Variants in WWOX observed in about 807,000 individuals in gnomAD.
WWOX encodes WW domain-containing oxidoreductase.
Under a neutral mutation model 46.2 loss-of-function variants are expected in WWOX, and 69 were observed. That is an observed-to-expected ratio of 1.49 (90% CI 1.23 to 1.82). WWOX has a LOEUF of 1.82. Among genes scored for constraint, WWOX ranks in the 40% most tolerant of loss-of-function variants. The pLI is 0.00. For synonymous variants in WWOX, 359 were observed against 202.6 expected, an observed-to-expected ratio of 1.77 and a Z score of -6.56; for missense variants, 919 against 542.6, an observed-to-expected ratio of 1.69 and a Z score of -6.89.
At chr16:78,925,179 C>T (rs940684651) in intron 8 of WWOX, among the ~76,000 whole-genome samples, 6 of 152,102 alleles carry the variant, frequency 3.9e-5, no homozygotes, top group East Asian at 3.9e-4. Flanking sequence ...TGCATGAGAA[C>T]GTAAAACCCT....
chr16:78,925,752 A>G (rs1300771391), intron 8 of WWOX, among the ~76,000 whole-genome samples: 2 of 152,176 alleles, frequency 1.3e-5, no homozygotes, highest in African/African-American at 2.4e-5. Flanking sequence ...TCTAAGGGTG[A>G]AGATGCTGTT....
chr16:78,489,015 A>T (rs1230801422), intron 8 of WWOX, among the ~76,000 whole-genome samples: 4 of 152,120 alleles, frequency 2.6e-5, no homozygotes, highest in Non-Finnish European at 4.4e-5. Flanking sequence ...GAGTGTCTAA[A>T]TCCTGCTCTG....
At chr16:78,607,260 T>C (rs542956887) in intron 8 of WWOX, among the ~76,000 whole-genome samples, 1 of 152,166 alleles carries the variant, frequency 6.6e-6, no homozygotes, top group African/African-American at 2.4e-5. Context: ...ATACAATATT[T>C]AATAAACTAT....
chr16:78,152,005 A>G (rs1406654755), intron 4 of WWOX, among the ~76,000 whole-genome samples: 1 of 152,180 alleles, frequency 6.6e-6, no homozygotes, highest in Admixed American at 6.5e-5. Flanking sequence ...CCTGGCTAAC[A>G]CGGTGAAACC....
intron 8 of WWOX, among the ~76,000 whole-genome samples, chr16:78,980,361 A>G (rs1189313381): frequency 6.6e-6 from 1 of 152,106 alleles, no homozygotes; most frequent in African/African-American, 2.4e-5. Context: ...TGCACTGCTA[A>G]TTTTATTCCA....
intron 8 of WWOX, among the ~76,000 whole-genome samples, chr16:79,131,738 C>T (rs964327163): frequency 6.6e-6 from 1 of 152,152 alleles, no homozygotes; most frequent in Non-Finnish European, 1.5e-5. Context: ...TATCTCTTTA[C>T]TCCTTGTATT....
chr16:78,145,398 T>C (rs1170747586), intron 4 of WWOX, among the ~76,000 whole-genome samples: 1 of 152,008 alleles, frequency 6.6e-6, no homozygotes, highest in African/African-American at 2.4e-5. Flanking sequence ...AAACCACTGG[T>C]GTAAGTCCAA....
intron 8 of WWOX, among the ~76,000 whole-genome samples, chr16:79,132,970 G>C (rs911267910): frequency 6.6e-6 from 1 of 152,192 alleles, no homozygotes; most frequent in Non-Finnish European, 1.5e-5. Context: ...GCCTGGGTCT[G>C]TTCTGTCACT....
chr16:78,509,174 C>G (rs997091087), intron 8 of WWOX, among the ~76,000 whole-genome samples: 1 of 152,208 alleles, frequency 6.6e-6, no homozygotes, highest in Non-Finnish European at 1.5e-5. Flanking sequence ...CATGGTGGTT[C>G]ACGCCTGTAA....
chr16:79,021,957 T>C (rs1430330146), intron 8 of WWOX, among the ~76,000 whole-genome samples: 1 of 152,198 alleles, frequency 6.6e-6, no homozygotes, highest in Non-Finnish European at 1.5e-5. Context: ...AAATCACCCA[T>C]GTGACGTTCT....
intron 8 of WWOX, chr16:79,015,996 G>T (rs764793173): frequency 6.6e-6 from 1 of 152,170 alleles, no homozygotes; most frequent in African/African-American, 2.4e-5. Context: ...TGATCTGCCC[G>T]CCTCAGCCTC....
At chr16:78,640,010 T>C (rs1247628452) in intron 8 of WWOX, among the ~76,000 whole-genome samples, 1 of 152,146 alleles carries the variant, frequency 6.6e-6, no homozygotes, top group Non-Finnish European at 1.5e-5. Context: ...GGCAGTTTCA[T>C]AGCCTGTGAC....
rs553343483 is a variant in WWOX at position 78,834,681 on chromosome 16, A to G, written c.1057-376927A>G. 1.1e-4 allele frequency among the ~76,000 whole-genome samples: 16 copies of G among 152,306 alleles called. No homozygotes were observed. The South Asian group carries it at 3.3e-3, about 32-fold the overall frequency. On this transcript the variant is annotated intron_variant, in intron 8 of 8. Coordinates refer to ENST00000566780, the MANE Select transcript of WWOX (RefSeq NM_016373.4). ...AACATTCCACTGACTTCTTAACAGA[A>G]TAAAGATTTTGTATATTGCAGAGAT...
At chr16:78,825,739 C>A in intron 8 of WWOX, 1 of 580,378 alleles carries the variant, frequency 1.7e-6, no homozygotes, top group Non-Finnish European at 3.3e-6. Context: ...TTGTGGATGG[C>A]CTGATGATCC....
chr16:78,700,157 A>C (rs910354639), intron 8 of WWOX, among the ~76,000 whole-genome samples: 4 of 151,364 alleles, frequency 2.6e-5, no homozygotes, highest in African/African-American at 9.7e-5. Flanking sequence ...GCTATAACAG[A>C]ATACCGTTGA....
chr16:78,103,919 A>G (rs772582152), intron 1 of WWOX, among the ~76,000 whole-genome samples: 13 of 151,990 alleles, frequency 8.6e-5, no homozygotes, highest in Admixed American at 5.9e-4. Flanking sequence ...AAAGGCACAC[A>G]TGTCCTAGCA....
chr16:79,180,678 C>CTA (rs1242689771), intron 8 of WWOX, among the ~76,000 whole-genome samples: 6 of 152,136 alleles, frequency 3.9e-5, no homozygotes, highest in Admixed American at 3.9e-4. Flanking sequence ...TTCTCTCTCT[C>CTA]TTTCTCCCTC....
intron 8 of WWOX, chr16:78,534,336 A>C (rs534730283): frequency 6.6e-6 from 1 of 152,328 alleles, no homozygotes; most frequent in African/African-American, 2.4e-5. Flanking sequence ...AATATTAGGC[A>C]TTCTTTGTTA....
At chr16:78,182,912 C>G (rs959605086) in intron 5 of WWOX, among the ~76,000 whole-genome samples, 12 of 145,452 alleles carry the variant, frequency 8.3e-5, no homozygotes, top group African/African-American at 3.1e-4. Flanking sequence ...GATTGCGCCA[C>G]TGCACTTCAG....
Sources: allele counts gnomAD v4.1 joint callset (sites outside exome capture counted in the v4.1 genomes callset), GRCh38; gene constraint gnomAD v4.1.1; transcripts MANE v1.5; gene names NCBI Gene and HGNC (gene_info 2026-07-23, HGNC 2026-07-21).